The following MCC variants were observed in gnomAD, a reference collection of about 807,000 sequenced individuals.
The protein encoded by MCC is MCC regulator of Wnt signaling pathway.
MCC carries 90 observed loss-of-function variants against 116.2 expected under a neutral mutation model. That is an observed-to-expected ratio of 0.77 (90% CI 0.65 to 0.92). The LOEUF (loss-of-function observed/expected upper bound fraction) is 0.92, where lower values mean the gene tolerates loss of function less well. MCC is among the 40% of genes least tolerant of loss of function. MCC has a pLI of 0.00. For synonymous variants in MCC, 578 were observed against 510.5 expected (o/e 1.13, Z -1.78); for missense variants, 1,516 against 1,312.2 (o/e 1.16, Z -2.40).
intron 1 of MCC, among the ~76,000 whole-genome samples, chr5:113,475,650 G>A (rs897505194): frequency 2.0e-5 from 3 of 152,018 alleles, no homozygotes; most frequent in African/African-American, 4.8e-5. Context: ...TCAATTTATG[G>A]AACAAGAGAG....
At chr5:113,265,037 CA>C (rs201742566) in intron 3 of MCC, among the ~76,000 whole-genome samples, 2 of 148,382 alleles carry the variant, frequency 1.3e-5, no homozygotes, top group African/African-American at 2.5e-5. Context: ...AAGACTGTCT[CA>C]AAAAAAAAAG....
At position 113,472,951 on chromosome 5, in the gene MCC, G is replaced by T. The variant is rs1423272634; in HGVS notation, c.170+15294C>A. On this transcript the variant is annotated intron_variant, in intron 1 of 18. Coordinates refer to ENST00000408903, the MANE Select transcript of MCC (RefSeq NM_001085377.2). ...GGTTCATTCATTCAATGTTGCTTTAGCATCTAATCAACGCATGATGTCAGG... is the reference window on the plus strand; with the variant it reads ...GGTTCATTCATTCAATGTTGCTTTATCATCTAATCAACGCATGATGTCAGG... 5.3e-5 allele frequency among the ~76,000 whole-genome samples: 8 copies of T among 152,270 alleles called. No homozygotes were observed. In the East Asian group the frequency reaches 1.5e-3, roughly 29 times the overall value.
intron 1 of MCC, among the ~76,000 whole-genome samples, chr5:113,409,125 A>G (rs1400215242): frequency 7.2e-5 from 11 of 152,210 alleles, no homozygotes; most frequent in Admixed American, 7.2e-4. Context: ...ACAGAGATCG[A>G]GATTCCCACT....
chr5:113,196,410 G>C (rs1170088658), intron 3 of MCC, among the ~76,000 whole-genome samples: 1 of 152,144 alleles, frequency 6.6e-6, no homozygotes, highest in Non-Finnish European at 1.5e-5. Flanking sequence ...TTACTACCAG[G>C]CATCTGCTTC....
At chr5:113,374,913 G>A (rs1768943206) in intron 2 of MCC, among the ~76,000 whole-genome samples, 1 of 148,614 alleles carries the variant, frequency 6.7e-6, no homozygotes, top group Non-Finnish European at 1.5e-5. Context: ...GATGGCTTGA[G>A]TCCAGGAGGT....
intron 1 of MCC, among the ~76,000 whole-genome samples, chr5:113,448,500 A>G (rs1196743829): frequency 6.6e-6 from 1 of 152,232 alleles, no homozygotes; most frequent in African/African-American, 2.4e-5. Context: ...GTGGAAAAGA[A>G]TTAATAAAAG....
chr5:113,467,458 T>C (rs1011526886), intron 1 of MCC, among the ~76,000 whole-genome samples: 1 of 152,288 alleles, frequency 6.6e-6, no homozygotes, highest in South Asian at 2.1e-4. Context: ...TCCCATTGCT[T>C]GTTTTTGTCA....
At chr5:113,135,621 G>A (rs1758772636) in intron 5 of MCC, among the ~76,000 whole-genome samples, 1 of 151,128 alleles carries the variant, frequency 6.6e-6, no homozygotes, top group Non-Finnish European at 1.5e-5. Context: ...ATTGTAAATA[G>A]GATTGCTTTC....
chr5:113,137,638 T>C (rs753602911), intron 5 of MCC, among the ~76,000 whole-genome samples: 2 of 152,172 alleles, frequency 1.3e-5, no homozygotes, highest in Non-Finnish European at 2.9e-5. Context: ...TTAGTGATAT[T>C]AGCCTGAAAC....
At chr5:113,153,192 G>A (rs1363964772) in intron 3 of MCC, among the ~76,000 whole-genome samples, 1 of 152,216 alleles carries the variant, frequency 6.6e-6, no homozygotes, top group African/African-American at 2.4e-5. Flanking sequence ...CGTGAGAGCT[G>A]ACATGTTCTT....
chr5:113,242,104 A>G (rs1581304525), intron 3 of MCC, among the ~76,000 whole-genome samples: 1 of 152,228 alleles, frequency 6.6e-6, no homozygotes, highest in Non-Finnish European at 1.5e-5. Flanking sequence ...CCCACATCAT[A>G]GGCCATCTTT....
chr5:113,088,907 C>A (rs903387924), intron 8 of MCC, among the ~76,000 whole-genome samples: 17 of 152,112 alleles, frequency 1.1e-4, no homozygotes, highest in Non-Finnish European at 1.2e-4. Context: ...TTTTAGCCTC[C>A]CAAGTGGCTG....
At chr5:113,057,101 G>A (rs1215186449) in intron 14 of MCC, among the ~76,000 whole-genome samples, 1 of 152,212 alleles carries the variant, frequency 6.6e-6, no homozygotes, top group African/African-American at 2.4e-5. Flanking sequence ...TAGGCAGGGA[G>A]TGCGGCCAGC....
chr5:113,336,722 G>A (rs1240076241), intron 3 of MCC, among the ~76,000 whole-genome samples: 1 of 152,164 alleles, frequency 6.6e-6, no homozygotes, highest in African/African-American at 2.4e-5. Flanking sequence ...CTCTTATTCT[G>A]TATAATGTGT....
In MCC at chr5:113,488,290, C is replaced by A; in HGVS notation, c.125G>T (p.Arg42Leu). 7.5e-6 allele frequency: 12 copies of A among 1,594,544 alleles called. No homozygotes were observed. Among genetic ancestry groups the A allele is most frequent in the Non-Finnish European group, 1.0e-5 (12 of 1,171,642 alleles). ...SSTGEEERMR[R>L]LFQTCDGDGD... ...GTCGCCGTCGCACGTCTGGAAGAGG[C>A]GCCGCATCCTCTCCTCCTCGCCGGT... Residue 42 changes from arginine (R) to leucine (L), a missense_variant, in exon 1 of 19, where the codon CGC becomes CTC. By Grantham distance (102) the Arg-to-Leu change is moderately radical (BLOSUM62 -2). Coordinates refer to ENST00000408903, the MANE Select transcript of MCC (RefSeq NM_001085377.2).
chr5:113,438,198 TG>T (rs1454947941), intron 1 of MCC, among the ~76,000 whole-genome samples: 1 of 152,164 alleles, frequency 6.6e-6, no homozygotes, highest in Non-Finnish European at 1.5e-5. Flanking sequence ...ATTTTTGGGT[TG>T]TGGGGGGAGT....
chr5:113,379,797 G>T (rs552083945), intron 2 of MCC, among the ~76,000 whole-genome samples: 18 of 152,176 alleles, frequency 1.2e-4, no homozygotes, highest in Non-Finnish European at 2.2e-4. Context: ...AGCAGAGAAT[G>T]CATGGCCTAA....
At position 113,143,308 on chromosome 5, in the gene MCC, G is replaced by A. The variant is rs1402103100; in HGVS notation, c.794C>T (p.Thr265Ile). 9 of 1,613,538 alleles carry A rather than the reference G, an allele frequency of 5.6e-6. No homozygotes were observed. Among genetic ancestry groups the A allele is most frequent in the African/African-American group, 2.7e-5 (2 of 74,890 alleles). The change falls in exon 5 of 19, where the codon ACA (threonine) becomes ATA (isoleucine). Residue 265 changes from threonine (T) to isoleucine (I), a missense_variant. Transcript: ENST00000408903. ...TGTGATGCGTTCCTCATAGCGAAGTGTCGTTCGCTCCTGGACATCCTCATG... is the reference window on the plus strand; with the variant it reads ...TGTGATGCGTTCCTCATAGCGAAGTATCGTTCGCTCCTGGACATCCTCATG... ...REHEDVQERTTLRYEERITEL... is the reference protein window; with the variant it reads ...REHEDVQERTILRYEERITEL...
rs1191197767 is a variant in MCC, at chr5:113,085,379, T to G, written c.1399-69A>C. ...CTAAAGAGCAAAACAGCCAGATGGG[T>G]AGGTGGTGGGGCTTTCATTTACATT... On this transcript the variant is annotated intron_variant, in intron 8 of 18. Transcript: ENST00000408903. The G allele has an allele frequency of 4.0e-6, 6 of 1,481,600 alleles. No homozygotes were observed. In the Admixed American group the frequency reaches 1.1e-4, roughly 28 times the overall value. The allele number at this position is 1,481,600 out of a possible 1,614,324, so 91.8% of individuals were successfully genotyped here.
Sources: gnomAD v4.1 joint callset for allele counts (sites outside exome capture counted in the v4.1 genomes callset) on GRCh38, gnomAD v4.1.1 for gene constraint, MANE v1.5 for transcripts, NCBI Gene and HGNC (gene_info 2026-07-23, HGNC 2026-07-21) for gene names.